Variants in NDUFS1 observed in about 807,000 individuals in gnomAD.
NDUFS1 encodes the protein NADH:ubiquinone oxidoreductase core subunit S1.
In NDUFS1, 61 loss-of-function variants were observed where a neutral mutation model predicts 84.4. That is an observed-to-expected ratio of 0.72 (90% CI 0.59 to 0.89). The LOEUF (loss-of-function observed/expected upper bound fraction) is 0.89, where lower values mean the gene tolerates loss of function less well. Ranked by LOEUF, NDUFS1 falls within the 40% of genes least tolerant of loss-of-function variation. The pLI is 0.00. For missense variants in NDUFS1, 891 were observed against 890.0 expected, an observed-to-expected ratio of 1.00 and a Z score of -0.01; for synonymous variants, 275 against 290.0, an observed-to-expected ratio of 0.95 and a Z score of 0.53.
At chr2:206,143,594 T>G (rs1477855645) in intron 10 of NDUFS1, among the ~76,000 whole-genome samples, 1 of 152,036 alleles carries the variant, frequency 6.6e-6, no homozygotes, top group African/African-American at 2.4e-5. Flanking sequence ...AGCTTTTTTT[T>G]TTTTTGAGAT....
intron 13 of NDUFS1, among the ~76,000 whole-genome samples, chr2:206,133,729 A>T (rs1011528183): frequency 6.6e-6 from 1 of 152,166 alleles, no homozygotes; most frequent in Non-Finnish European, 1.5e-5. Flanking sequence ...TGTAATCCCA[A>T]CACTTTGGGA....
At chr2:206,132,469 C>G (rs1000178025) in intron 14 of NDUFS1, among the ~76,000 whole-genome samples, 4 of 151,996 alleles carry the variant, frequency 2.6e-5, no homozygotes, top group Admixed American at 2.6e-4. Flanking sequence ...TAGCTTCAGC[C>G]ATTTAATACT....
rs1338314954 is a variant in NDUFS1 at position 206,116,418 on chromosome 2, G to C, written c.*7767C>G. ...GCCCATCCCAAGCTGCCAGGGCCTC[G>C]ATAGGCAGGGCGCGGCAGGTGCCAG... On this transcript the variant is annotated 3_prime_UTR_variant, in exon 19 of 19. Transcript: ENST00000233190. 1.2e-6 allele frequency: 1 copy of C among 808,510 alleles called. No homozygotes were observed. Among genetic ancestry groups the C allele is most frequent in the Non-Finnish European group, 2.1e-6 (1 of 487,656 alleles). The allele number at this position is 808,510 out of a possible 1,614,324, so 50.1% of individuals were successfully genotyped here.
At chr2:206,129,146 T>C (rs185777649) in intron 15 of NDUFS1, among the ~76,000 whole-genome samples, 17 of 152,338 alleles carry the variant, frequency 1.1e-4, no homozygotes, top group Admixed American at 9.8e-4. Context: ...ATATATAGTT[T>C]AATATAATTT....
chr2:206,116,415 C>A lies in NDUFS1; in HGVS notation c.*7770G>T. 3 of 812,084 alleles carry A rather than the reference C, an allele frequency of 3.7e-6. No individual in the cohort carries two copies. Among genetic ancestry groups the A allele is most frequent in the Non-Finnish European group, 6.2e-6 (3 of 486,450 alleles). 50.3% of individuals were successfully genotyped at this position (812,084 alleles called of 1,614,324 possible). ...GGCGCCCATCCCAAGCTGCCAGGGC[C>A]TCGATAGGCAGGGCGCGGCAGGTGC... On this transcript the variant is annotated 3_prime_UTR_variant, in exon 19 of 19. Coordinates refer to ENST00000233190, the MANE Select transcript of NDUFS1 (RefSeq NM_005006.7).
In NDUFS1 at chr2:206,116,107, T is replaced by C; in HGVS notation, c.*8078A>G. ...CATACTAGCTTATTTAGTGGTTCCA[T>C]TTTCACTCCTCAATAGATTTTATGT... is the stretch of plus-strand genomic sequence containing the variant. On this transcript the variant is annotated 3_prime_UTR_variant, in exon 19 of 19. Coordinates refer to ENST00000233190, the MANE Select transcript of NDUFS1 (RefSeq NM_005006.7). 1 of 1,350,450 alleles carries C rather than the reference T, an allele frequency of 7.4e-7. No homozygotes were observed. Among genetic ancestry groups the C allele is most frequent in the Non-Finnish European group, 1.1e-6 (1 of 940,992 alleles). The allele number at this position is 1,350,450 out of a possible 1,614,324, so 83.7% of individuals were successfully genotyped here.
At chr2:206,141,814 AAT>A (rs1286501534) in intron 12 of NDUFS1, 125 bp downstream of exon 12, 147 of 849,642 alleles carry the variant, frequency 1.7e-4, no homozygotes, top group Non-Finnish European at 2.4e-4. Flanking sequence ...AAAAAAAAAA[AAT>A]TGTCTTCCAG....
Position 206,131,962 on chromosome 2 carries a change from T to TAAA in NDUFS1, c.1553+980_1553+982dup, listed in dbSNP as rs552745418. 3.4e-3 allele frequency among the ~76,000 whole-genome samples: 506 copies of TAAA among 148,760 alleles called. 6 individuals carry two copies. Among genetic ancestry groups the TAAA allele is most frequent in the African/African-American group, 0.012 (483 of 40,398 alleles). On this transcript the variant is annotated intron_variant, in intron 14 of 18. Transcript: ENST00000233190. ...TCAAAAATAATAATAATAATAATAA[T>TAAA]AAAATAAAAAAATTAGCCAGGTGTG...
intron 13 of NDUFS1, among the ~76,000 whole-genome samples, chr2:206,136,834 C>T (rs965174959): frequency 6.6e-6 from 1 of 151,980 alleles, no homozygotes; most frequent in Non-Finnish European, 1.5e-5. Context: ...TGGCTCACCA[C>T]AACCTCCACC....
intron 1 of NDUFS1, among the ~76,000 whole-genome samples, chr2:206,158,222 A>C (rs1319433085): frequency 6.6e-6 from 1 of 152,102 alleles, no homozygotes; most frequent in South Asian, 2.1e-4. Context: ...TCGGCCTCCC[A>C]AAGTGGTGGG....
chr2:206,128,879 C>T (rs1290163425), intron 15 of NDUFS1, among the ~76,000 whole-genome samples: 3 of 151,772 alleles, frequency 2.0e-5, no homozygotes, highest in Admixed American at 6.6e-5. Flanking sequence ...TATAAAATAG[C>T]CAAGTAAGTA....
intron 14 of NDUFS1, among the ~76,000 whole-genome samples, chr2:206,131,050 G>A (rs959498975): frequency 7.2e-5 from 11 of 152,154 alleles, no homozygotes; most frequent in African/African-American, 2.2e-4. Context: ...TTTTAAAGAA[G>A]AGGTCTGGAA....
intron 13 of NDUFS1, among the ~76,000 whole-genome samples, chr2:206,136,008 T>C (rs1194809338): frequency 6.6e-6 from 1 of 151,362 alleles, no homozygotes; most frequent in Non-Finnish European, 1.5e-5. Context: ...CTCTCTTTGA[T>C]GATATGCTTG....
chr2:206,125,032 G>T (rs183935620), intron 18 of NDUFS1, among the ~76,000 whole-genome samples: 172 of 150,688 alleles, frequency 1.1e-3, no homozygotes, highest in African/African-American at 4.0e-3. Flanking sequence ...TTTTTAAAGA[G>T]ACCAGATCTG....
At position 206,149,117 on chromosome 2, in the gene NDUFS1, A is replaced by C. The variant is rs961956930; in HGVS notation, c.262-21T>G. The C allele has an allele frequency of 2.5e-6, 4 of 1,572,246 alleles. No homozygotes were observed. In the African/African-American group the frequency reaches 5.4e-5, roughly 21 times the overall value. On this transcript the variant is annotated intron_variant, in intron 4 of 18. Coordinates refer to ENST00000233190, the MANE Select transcript of NDUFS1 (RefSeq NM_005006.7). ...ACAACCTGGGATTTCAATGAAAAAAAAAAATGTGTATTTGTATTTATTTGT... is the reference window on the plus strand; with the variant it reads ...ACAACCTGGGATTTCAATGAAAAAACAAAATGTGTATTTGTATTTATTTGT...
At position 206,116,478 on chromosome 2, in the gene NDUFS1, C is replaced by T. The variant is rs1022696713; in HGVS notation, c.*7707G>A. On this transcript the variant is annotated 3_prime_UTR_variant, in exon 19 of 19. Coordinates refer to ENST00000233190, the MANE Select transcript of NDUFS1 (RefSeq NM_005006.7). ...CAGGCTGCAGAGCACGGCCCGCACG[C>T]TCCGCACCACTCGCAGCGCCATGTT... The T allele has an allele frequency of 4.2e-6, 5 of 1,197,866 alleles. No homozygotes were observed. In the Admixed American group the frequency reaches 9.9e-5, roughly 24 times the overall value. 74.2% of individuals were successfully genotyped at this position (1,197,866 alleles called of 1,614,324 possible). A position where few individuals can be genotyped will look rare whatever the true frequency, so the allele number is the denominator to read the frequency against.
intron 12 of NDUFS1, among the ~76,000 whole-genome samples, chr2:206,141,732 AG>A (rs1013918236): frequency 6.7e-6 from 1 of 149,000 alleles, no homozygotes; most frequent in African/African-American, 2.5e-5. Flanking sequence ...CTCGAGGCGG[AG>A]CTTGCAGAGC....
At chr2:206,141,831 C>T in intron 12 of NDUFS1, 110 bp downstream of exon 12, 1 of 860,156 alleles carries the variant, frequency 1.2e-6, no homozygotes. Context: ...TTCCAGTTAT[C>T]TTTTGGAGTC....
intron 10 of NDUFS1, among the ~76,000 whole-genome samples, chr2:206,143,393 CA>C (rs958013999): frequency 7.9e-5 from 12 of 152,158 alleles, no homozygotes; most frequent in African/African-American, 2.9e-4. Flanking sequence ...AAAGGCACTT[CA>C]AAATGAGGTC....
Sources: allele counts gnomAD v4.1 joint callset (sites outside exome capture counted in the v4.1 genomes callset), GRCh38; gene constraint gnomAD v4.1.1; transcripts MANE v1.5; gene names NCBI Gene and HGNC (gene_info 2026-07-23, HGNC 2026-07-21).